Variants in SEMA3D observed in about 807,000 individuals in gnomAD.
SEMA3D encodes the protein semaphorin 3D.
Under a neutral mutation model 100.1 loss-of-function variants are expected in SEMA3D, and 84 were observed. The ratio of observed to expected loss-of-function variants is 0.84; its 90% CI spans 0.70 to 1.01. The LOEUF (loss-of-function observed/expected upper bound fraction) is 1.01. Ranked by LOEUF, SEMA3D falls within the 50% of genes least tolerant of loss-of-function variation. The pLI, the probability that SEMA3D is intolerant of heterozygous loss-of-function variation, is 0.00. For missense variants in SEMA3D, 875 were observed against 934.1 expected (o/e 0.94, Z 0.82); for synonymous variants, 312 against 320.7 (o/e 0.97, Z 0.29).
At chr7:85,155,392 T>G (rs919422479) in intron 1 of SEMA3D, among the ~76,000 whole-genome samples, 1 of 152,192 alleles carries the variant, frequency 6.6e-6, no homozygotes, top group African/African-American at 2.4e-5. Flanking sequence ...TAGAGTTTAG[T>G]GTTTATGAGG....
rs1584534439 is a variant in SEMA3D at position 85,028,301 on chromosome 7, A to G, written c.1192-5688T>C. 4 of 714,086 alleles carry G rather than the reference A, an allele frequency of 5.6e-6. No individual in the cohort carries two copies. In the Admixed American group the frequency reaches 7.3e-5, roughly 13 times the overall value. 44.2% of individuals were successfully genotyped at this position (714,086 alleles called of 1,614,324 possible). On this transcript the variant is annotated intron_variant, in intron 12 of 18. Coordinates refer to ENST00000284136, the MANE Select transcript of SEMA3D (RefSeq NM_001384900.1). ...AATGACTCTCAGCATCAGGGCTATC[A>G]AAGATGCTGGAACTATTGCTGGTCT...
chr7:85,181,902 G>T, intron 1 of SEMA3D: 1 of 234,392 alleles, frequency 4.3e-6, no homozygotes, highest in Non-Finnish European at 7.0e-6. Context: ...TTATTAAAAT[G>T]CAAACATAAA....
At chr7:85,045,052 G>C (rs1456778003) in intron 9 of SEMA3D, among the ~76,000 whole-genome samples, 8 of 152,018 alleles carry the variant, frequency 5.3e-5, no homozygotes, top group African/African-American at 1.9e-4. Context: ...TTTCATTATA[G>C]TGGGAAAAAG....
intron 2 of SEMA3D, 34 bp from the exon 3 acceptor site, chr7:85,121,965 G>GTTT (rs1789431153): frequency 9.1e-7 from 1 of 1,100,342 alleles, no homozygotes; most frequent in Non-Finnish European, 1.3e-6. Context: ...AACTATTAAG[G>GTTT]TATCAGCAAA....
chr7:85,005,513 A>G (rs1327009903), intron 18 of SEMA3D, among the ~76,000 whole-genome samples: 2 of 152,098 alleles, frequency 1.3e-5, no homozygotes, highest in Non-Finnish European at 2.9e-5. Flanking sequence ...GTAAAGAGTT[A>G]ACATTTAGAA....
rs1435111910 is a variant in SEMA3D at position 84,998,620 on chromosome 7, C to T, written c.*820G>A. 6.6e-6 allele frequency: 1 copy of T among 152,144 alleles called. No homozygotes were observed. Among genetic ancestry groups the T allele is most frequent in the Non-Finnish European group, 1.5e-5 (1 of 68,012 alleles). 9.4% of individuals were successfully genotyped at this position (152,144 alleles called of 1,614,324 possible). On this transcript the variant is annotated 3_prime_UTR_variant, in exon 19 of 19. Transcript: ENST00000284136. The stretch of plus-strand genomic sequence containing the variant: ...TCTGTCTTCTAACAAATCCCATCTG[C>T]ATGCCTTCCCATCAGGATGCATTAT...
At chr7:85,052,266 C>T (rs1791187746) in intron 9 of SEMA3D, among the ~76,000 whole-genome samples, 1 of 151,926 alleles carries the variant, frequency 6.6e-6, no homozygotes, top group Non-Finnish European at 1.5e-5. Flanking sequence ...ATTTACCTAT[C>T]TTGTCACTTC....
At chr7:85,143,492 A>T (rs1201649452) in intron 2 of SEMA3D, among the ~76,000 whole-genome samples, 1 of 152,150 alleles carries the variant, frequency 6.6e-6, no homozygotes, top group Non-Finnish European at 1.5e-5. Context: ...TGTACTGAAC[A>T]CTATAACCAA....
intron 2 of SEMA3D, 122 bp downstream of exon 2, chr7:85,153,486 G>T (rs1314150564): frequency 6.6e-6 from 1 of 152,080 alleles, no homozygotes; most frequent in African/African-American, 2.4e-5. Flanking sequence ...TCAGCCCAAG[G>T]ACAGTGCATT....
In SEMA3D at chr7:85,018,296, G is replaced by GA. The variant is rs1404973366; in HGVS notation, c.1504-4dup. The GA allele has an allele frequency of 1.3e-6, 2 of 1,575,490 alleles. No individual in the cohort carries two copies. The highest frequency in any genetic ancestry group is 3.4e-5 in the Admixed American group (2 of 59,544). ...ATGTTCAAGATGATTGATGAGTGCT[G>GA]AAAATAGAAGTTAAATGTCAATAAA... On this transcript the variant is annotated splice_polypyrimidine_tract_variant and splice_region_variant and intron_variant, in intron 14 of 18. Coordinates refer to ENST00000284136, the MANE Select transcript of SEMA3D (RefSeq NM_001384900.1).
At chr7:85,195,917 C>T in the SEMA3D span, among the ~76,000 whole-genome samples, 1 of 152,110 alleles carries the variant, frequency 6.6e-6, no homozygotes, top group African/African-American at 2.4e-5. Flanking sequence ...GTCTTCCTTT[C>T]AGTAAGTGAT....
At chr7:85,123,815 G>C (rs1789495223) in intron 2 of SEMA3D, among the ~76,000 whole-genome samples, 1 of 151,976 alleles carries the variant, frequency 6.6e-6, no homozygotes, top group African/African-American at 2.4e-5. Flanking sequence ...ATGCATATAA[G>C]TTGGTTTAGA....
intron 12 of SEMA3D, among the ~76,000 whole-genome samples, chr7:85,027,225 C>A (rs4141133): frequency 5.1e-4 from 78 of 152,086 alleles, no homozygotes; most frequent in Admixed American, 4.2e-3. Flanking sequence ...GACCCAGAAT[C>A]AAAAGAACTT....
At chr7:85,213,337 C>T in the SEMA3D span, among the ~76,000 whole-genome samples, 8 of 152,014 alleles carry the variant, frequency 5.3e-5, no homozygotes, top group South Asian at 6.2e-4. Flanking sequence ...GTACCTAAAA[C>T]GATACTAAGC....
intron 8 of SEMA3D, 130 bp downstream of exon 8, chr7:85,065,294 T>A: frequency 1.2e-6 from 1 of 822,520 alleles, no homozygotes; most frequent in Non-Finnish European, 1.8e-6. Context: ...GGGGAATTAT[T>A]TCAAATGTAT....
At chr7:85,177,077 G>T (rs377062075) in intron 1 of SEMA3D, among the ~76,000 whole-genome samples, 2 of 152,046 alleles carry the variant, frequency 1.3e-5, no homozygotes, top group African/African-American at 2.4e-5. Context: ...TTCATTCTAT[G>T]ATGTTTGCAC....
At chr7:85,221,660 T>C in the SEMA3D span, among the ~76,000 whole-genome samples, 9 of 152,092 alleles carry the variant, frequency 5.9e-5, no homozygotes, top group Non-Finnish European at 1.2e-4. Flanking sequence ...AGACACTTAA[T>C]AGACAAACAA....
At chr7:85,151,592 T>TGTATGC in intron 2 of SEMA3D, 2 of 898,328 alleles carry the variant, frequency 2.2e-6, no homozygotes, top group Non-Finnish European at 2.6e-6. Context: ...TATGCATGTG[T>TGTATGC]GTATGCGTGT....
intron 11 of SEMA3D, among the ~76,000 whole-genome samples, chr7:85,037,519 GAAT>G (rs1035802344): frequency 6.6e-6 from 1 of 152,042 alleles, no homozygotes; most frequent in Non-Finnish European, 1.5e-5. Flanking sequence ...TTAAATATTT[GAAT>G]AATAATCCTC....
Sources: allele counts gnomAD v4.1 joint callset (sites outside exome capture counted in the v4.1 genomes callset), GRCh38; gene constraint gnomAD v4.1.1; transcripts MANE v1.5; gene names NCBI Gene and HGNC (gene_info 2026-07-23, HGNC 2026-07-21).